Variants in PPFIA2 observed in about 807,000 individuals in gnomAD.
PPFIA2 encodes liprin-alpha-2.
Under a neutral mutation model 175.5 loss-of-function variants are expected in PPFIA2, and 46 were observed. That is an observed-to-expected ratio of 0.26 (90% CI 0.21 to 0.34). The LOEUF (loss-of-function observed/expected upper bound fraction) is 0.34, where lower values mean the gene tolerates loss of function less well. Ranked by LOEUF, PPFIA2 falls within the 10% of genes least tolerant of loss-of-function variation. PPFIA2 has a pLI of 1.00. For synonymous variants in PPFIA2, 568 were observed against 511.4 expected (o/e 1.11, Z -1.49); for missense variants, 1,179 against 1,506.1 (o/e 0.78, Z 3.60).
chr12:81,676,155 T>C (rs74619555), intron 4 of PPFIA2, among the ~76,000 whole-genome samples: 1,819 of 152,194 alleles, frequency 0.012, 38 homozygotes, highest in African/African-American at 0.041. Context: ...TTTGTTGATA[T>C]AAGTTGAATC....
At chr12:81,618,013 C>T (rs1210333285) in intron 4 of PPFIA2, among the ~76,000 whole-genome samples, 1 of 152,106 alleles carries the variant, frequency 6.6e-6, no homozygotes, top group Admixed American at 6.5e-5. Flanking sequence ...TTAAATCCTC[C>T]ATTAAGTATG....
chr12:81,582,597 C>T (rs1037212484), intron 4 of PPFIA2, among the ~76,000 whole-genome samples: 9 of 151,728 alleles, frequency 5.9e-5, no homozygotes, highest in Non-Finnish European at 1.2e-4. Flanking sequence ...GGTTGATGTG[C>T]TCACACGTCC....
chr12:81,276,327 T>C (rs2040521161), intron 28 of PPFIA2, among the ~76,000 whole-genome samples: 1 of 152,132 alleles, frequency 6.6e-6, no homozygotes, highest in South Asian at 2.1e-4. Flanking sequence ...ACAATGTACA[T>C]CATTCAGGGG....
At chr12:81,553,874 C>T (rs11613432) in intron 4 of PPFIA2, among the ~76,000 whole-genome samples, 9,242 of 151,984 alleles carry the variant, frequency 0.061, 403 homozygotes, top group East Asian at 0.22. Context: ...TATAAAGTGT[C>T]TGTTTTGATG....
At chr12:81,504,144 T>C (rs1389922320) in intron 4 of PPFIA2, among the ~76,000 whole-genome samples, 1 of 152,020 alleles carries the variant, frequency 6.6e-6, no homozygotes. Flanking sequence ...TCTTAATCAA[T>C]GCAAAATTCT....
chr12:81,460,948 C>T (rs1000924457), intron 4 of PPFIA2, among the ~76,000 whole-genome samples: 16 of 152,106 alleles, frequency 1.1e-4, no homozygotes, highest in Admixed American at 6.6e-4. Flanking sequence ...TGGGTGATTA[C>T]GATAAGTTGT....
chr12:81,725,040 A>G (rs2079874497), intron 3 of PPFIA2, among the ~76,000 whole-genome samples: 1 of 151,108 alleles, frequency 6.6e-6, no homozygotes, highest in Non-Finnish European at 1.5e-5. Flanking sequence ...TTAAGGTGGT[A>G]TCTCATTGTG....
intron 4 of PPFIA2, among the ~76,000 whole-genome samples, chr12:81,669,581 G>A (rs1476575162): frequency 6.6e-6 from 1 of 151,952 alleles, no homozygotes; most frequent in East Asian, 1.9e-4. Flanking sequence ...GGAAAACTCT[G>A]TTAAAGTGAC....
At chr12:81,539,125 A>G (rs2065842328) in intron 4 of PPFIA2, among the ~76,000 whole-genome samples, 1 of 151,946 alleles carries the variant, frequency 6.6e-6, no homozygotes, top group South Asian at 2.1e-4. Context: ...TTGAATTGTT[A>G]TCAGTTAAGA....
intron 4 of PPFIA2, among the ~76,000 whole-genome samples, chr12:81,523,715 G>A (rs2063423598): frequency 6.6e-6 from 1 of 152,060 alleles, no homozygotes; most frequent in Admixed American, 6.6e-5. Context: ...TGTGAGGAAC[G>A]CTTAGAACAC....
At chr12:81,383,869 C>T (rs1360759756) in intron 9 of PPFIA2, among the ~76,000 whole-genome samples, 154 bp downstream of exon 9, 1 of 152,028 alleles carries the variant, frequency 6.6e-6, no homozygotes, top group Non-Finnish European at 1.5e-5. Context: ...ACTATGTTTG[C>T]GCTATTGAAC....
At chr12:81,576,583 C>G (rs1320299733) in intron 4 of PPFIA2, among the ~76,000 whole-genome samples, 1 of 151,714 alleles carries the variant, frequency 6.6e-6, no homozygotes, top group Non-Finnish European at 1.5e-5. Flanking sequence ...TTAATAATAG[C>G]AGGTTTACTC....
At chr12:81,585,302 C>T (rs1220980409) in intron 4 of PPFIA2, among the ~76,000 whole-genome samples, 1 of 150,450 alleles carries the variant, frequency 6.6e-6, no homozygotes, top group Non-Finnish European at 1.5e-5. Context: ...ATTTACAAAA[C>T]ATATTTTTCT....
At chr12:81,580,730 C>T (rs887655469) in intron 4 of PPFIA2, among the ~76,000 whole-genome samples, 4 of 151,536 alleles carry the variant, frequency 2.6e-5, no homozygotes, top group African/African-American at 9.7e-5. Context: ...TCTATAGAAA[C>T]GATGTCAACT....
chr12:81,600,617 T>C (rs1374880108), intron 4 of PPFIA2, among the ~76,000 whole-genome samples: 1 of 151,972 alleles, frequency 6.6e-6, no homozygotes, highest in Non-Finnish European at 1.5e-5. Context: ...ACATGGGATT[T>C]ATTCAAATGA....
chr12:81,387,796 T>A (rs962889973), intron 8 of PPFIA2, among the ~76,000 whole-genome samples: 2 of 152,244 alleles, frequency 1.3e-5, no homozygotes, highest in Admixed American at 6.5e-5. Flanking sequence ...CTAATCCAGA[T>A]CTTGGGTGCT....
At chr12:81,339,373 C>T (rs369242597) in intron 20 of PPFIA2, 39 bp from the exon 21 acceptor site, 1 of 1,486,322 alleles carries the variant, frequency 6.7e-7, no homozygotes, top group Non-Finnish European at 9.0e-7. Context: ...GCAACATCCA[C>T]AAGGTACACA....
At chr12:81,506,465 T>C (rs1373872678) in intron 4 of PPFIA2, among the ~76,000 whole-genome samples, 1 of 152,228 alleles carries the variant, frequency 6.6e-6, no homozygotes, top group African/African-American at 2.4e-5. Flanking sequence ...ATAAATTCAC[T>C]GAACACATGA....
At chr12:81,646,356 A>ATGAAGAAAGACCCAGTG (rs2066070508) in intron 4 of PPFIA2, among the ~76,000 whole-genome samples, 1 of 152,142 alleles carries the variant, frequency 6.6e-6, no homozygotes, top group Non-Finnish European at 1.5e-5. Context: ...AGGAAGGGAA[A>ATGAAGAAAGACCCAGTG]TGAAGAAAGA....
Sources: allele counts gnomAD v4.1 joint callset (sites outside exome capture counted in the v4.1 genomes callset), GRCh38; gene constraint gnomAD v4.1.1; transcripts MANE v1.5; gene names NCBI Gene and HGNC (gene_info 2026-07-23, HGNC 2026-07-21).